The following TSC2 variants were observed in gnomAD, a reference collection of about 807,000 sequenced individuals.
TSC2 encodes the protein TSC complex subunit 2, also known as tuberin.
A neutral mutation model predicts 202.2 loss-of-function variants in TSC2; 29 were observed. The observed-to-expected ratio is 0.14, with a 90% CI of 0.11 to 0.20. The LOEUF (loss-of-function observed/expected upper bound fraction) is 0.20, where lower values mean the gene tolerates loss of function less well. Among genes scored for constraint, TSC2 ranks in the 10% least tolerant of loss-of-function variants. TSC2 has a pLI of 1.00. For synonymous variants in TSC2, 1,349 were observed against 1,044.0 expected (o/e 1.29, Z -5.63); for missense variants, 2,429 against 2,420.0 (o/e 1.00, Z -0.08).
In TSC2 at chr16:2,071,513, T is replaced by A. The variant is rs1446136662; in HGVS notation, c.1843T>A (p.Phe615Ile). 1.2e-6 allele frequency: 2 copies of A among 1,613,634 alleles called. No individual in the cohort carries two copies. Among genetic ancestry groups the A allele is most frequent in the Non-Finnish European group, 1.7e-6 (2 of 1,180,014 alleles). Residue 615 changes from phenylalanine (F) to isoleucine (I), a missense_variant, in exon 18 of 42, where the codon TTT becomes ATT. Physicochemically the swap from Phe to Ile is conservative, Grantham distance 21. Coordinates refer to ENST00000219476, the MANE Select transcript of TSC2 (RefSeq NM_000548.5). Reference protein sequence around the residue: ...PIASSIRLQAFDFLLLLRADS... With the variant: ...PIASSIRLQAIDFLLLLRADS... ...TTCACCATCCTCTTCCTGACAGGCC[T>A]TTGACTTCCTGTTGCTGCTGCGGGC...
rs1395819176 is a variant in TSC2, at chr16:2,080,506, C to CA, written c.3610+130dup. On this transcript the variant is annotated intron_variant, in intron 30 of 41. Transcript: ENST00000219476. ...GGTAACTTTTGTTTTTTTTTTGAGA[C>CA]AGAGTCTTGCTCTGTGGCCCACGCT... 1.0e-5 allele frequency: 11 copies of CA among 1,103,814 alleles called. No homozygotes were observed. The South Asian group carries it at 1.4e-4, about 14-fold the overall frequency. 68.4% of individuals were successfully genotyped at this position (1,103,814 alleles called of 1,614,324 possible).
At chr16:2,078,754 G>A in intron 26 of TSC2, 1 of 517,350 alleles carries the variant, frequency 1.9e-6, no homozygotes, top group East Asian at 3.4e-5. Flanking sequence ...GTAACCTAGT[G>A]CTCCCGTGGG....
intron 35 of TSC2, 63 bp downstream of exon 35, chr16:2,085,089 G>A (rs1292173721): frequency 2.5e-6 from 4 of 1,605,964 alleles, no homozygotes; most frequent in South Asian, 1.1e-5. Context: ...ATGGTGGGGG[G>A]CCCAGCTCTG....
Position 2,074,202 on chromosome 16 carries a change from C to G in TSC2, c.2358C>G (p.Arg786=), listed in dbSNP as rs372834284. ...YHNYLDKTKQ[R]EMVYCLEQGL... ...CTGAGGTGTCCTGTCTCCTGCAGCG[C>G]GAGATGGTCTACTGCCTGGAGCAGG... is the stretch of plus-strand genomic sequence containing the variant. The change falls in exon 22 of 42, where the codon CGC becomes CGG. Residue 786 remains arginine, a splice_region_variant and synonymous_variant. Transcript: ENST00000219476. The G allele has an allele frequency of 3.7e-6, 6 of 1,611,154 alleles. No homozygotes were observed. Among genetic ancestry groups the G allele is most frequent in the Non-Finnish European group, 5.1e-6 (6 of 1,179,902 alleles).
At chr16:2,054,493 C>A (rs2085524046) in intron 5 of TSC2, 53 bp downstream of exon 5, 1 of 1,612,110 alleles carries the variant, frequency 6.2e-7, no homozygotes, top group East Asian at 2.2e-5. Context: ...TCAAGTGTAA[C>A]CTGGATGGGA....
rs137853999 is a variant in TSC2 at position 2,086,812 on chromosome 16, G to A, written c.4930G>A (p.Asp1644Asn). ...CGACAAGAAGCGCCACCTGGGCAACGACTTTGTGTCCATTGTCTACAATGA... is the reference window on the plus strand; with the variant it reads ...CGACAAGAAGCGCCACCTGGGCAACAACTTTGTGTCCATTGTCTACAATGA... The part of the protein sequence containing the change: ...RCDKKRHLGN[D>N]FVSIVYNDSG... The change falls in exon 38 of 42, where the codon GAC (aspartate) becomes AAC (asparagine). Residue 1644 changes from aspartate (D) to asparagine (N), a missense_variant. Asp to Asn is a conservative substitution (Grantham distance 23). Coordinates refer to ENST00000219476, the MANE Select transcript of TSC2 (RefSeq NM_000548.5). The A allele has an allele frequency of 6.8e-6, 11 of 1,610,280 alleles. No individual in the cohort carries two copies. The East Asian group carries it at 1.6e-4, about 23-fold the overall frequency.
At chr16:2,070,945 A>G (rs78956797) in intron 17 of TSC2, among the ~76,000 whole-genome samples, 22 of 151,520 alleles carry the variant, frequency 1.5e-4, no homozygotes, top group African/African-American at 4.6e-4. Context: ...GAGAGGGCAG[A>G]GCTGAGACGG....
At chr16:2,087,317 G>A (rs970119131) in intron 38 of TSC2, 24 of 335,164 alleles carry the variant, frequency 7.2e-5, no homozygotes, top group Middle Eastern at 1.0e-3. Flanking sequence ...CCAGCATGGC[G>A]GGGAGAGCTG....
intron 6 of TSC2, 128 bp downstream of exon 6, chr16:2,055,647 C>G: frequency 1.1e-6 from 1 of 907,038 alleles, no homozygotes; most frequent in Non-Finnish European, 1.8e-6. Flanking sequence ...AATCTCAGCA[C>G]TTTGGGAGGC....
rs137854133 is a variant in TSC2 at position 2,050,402 on chromosome 16, A to G, written c.141A>G (p.Glu47=). Residue 47 remains glutamate, a splice_region_variant and synonymous_variant, in exon 3 of 42, where the codon GAA becomes GAG. Coordinates refer to ENST00000219476, the MANE Select transcript of TSC2 (RefSeq NM_000548.5). ...EFIITAEILR[E]LSMECGLNNR... is the part of the protein sequence containing the mutation. ...TTTCTTCTTTCATCTCTCTCCAGGA[A>G]CTGAGCATGGAATGTGGCCTCAACA... 1 of 1,613,878 alleles carries G rather than the reference A, an allele frequency of 6.2e-7. No individual in the cohort carries two copies.
At chr16:2,065,924 C>G (rs1281984759) in intron 16 of TSC2, among the ~76,000 whole-genome samples, 3 of 152,234 alleles carry the variant, frequency 2.0e-5, no homozygotes, top group Non-Finnish European at 4.4e-5. Context: ...TCACCCAGCA[C>G]AGCACCTGGG....
In TSC2 at chr16:2,081,912, C is replaced by G. The variant is rs2090190473; in HGVS notation, c.3814+114C>G. On this transcript the variant is annotated intron_variant, in intron 31 of 41. Coordinates refer to ENST00000219476, the MANE Select transcript of TSC2 (RefSeq NM_000548.5). ...GCGCCCACACGGCTGGGAGTGGTCC[C>G]TGGCCTGCCTCAGCACCATTGTTCT... The G allele has an allele frequency of 2.7e-5, 37 of 1,386,240 alleles. No homozygotes were observed. The South Asian group carries it at 4.1e-4, about 15-fold the overall frequency. The allele number at this position is 1,386,240 out of a possible 1,614,324, so 85.9% of individuals were successfully genotyped here.
At chr16:2,076,262 G>A (rs1487298086) in intron 24 of TSC2, 92 bp downstream of exon 24, 1 of 1,581,766 alleles carries the variant, frequency 6.3e-7, no homozygotes, top group African/African-American at 1.3e-5. Flanking sequence ...TGACAGGCAG[G>A]TGGAGGGCAG....
At chr16:2,051,177 G>C (rs560167992) in intron 3 of TSC2, among the ~76,000 whole-genome samples, 1 of 151,910 alleles carries the variant, frequency 6.6e-6, no homozygotes, top group Non-Finnish European at 1.5e-5. Flanking sequence ...ATGATGAGCC[G>C]GGCATGGTGG....
chr16:2,050,595 G>A (rs1228963721), intron 3 of TSC2, 109 bp downstream of exon 3: 3 of 734,150 alleles, frequency 4.1e-6, no homozygotes, highest in Non-Finnish European at 6.5e-6. Context: ...GATCTGGTTT[G>A]CACTTTTTTT....
rs878854094 is a variant in TSC2, at chr16:2,054,311, G to A, written c.352G>A (p.Val118Ile). The A allele has an allele frequency of 3.7e-6, 6 of 1,614,186 alleles. No individual in the cohort carries two copies. Among genetic ancestry groups the A allele is most frequent in the African/African-American group, 1.3e-5 (1 of 75,042 alleles). The change falls in exon 5 of 42, where the codon GTC (valine) becomes ATC (isoleucine). Residue 118 changes from valine to isoleucine, a missense_variant. Val to Ile is a conservative substitution (Grantham distance 29). Transcript: ENST00000219476. ...TTGTCTTTAGGGCGAGCGTTTGGGG[G>A]TCCTCAGAGCCCTCTTCTTTAAGGT... ...IVQGQGERLG[V>I]LRALFFKVIK...
chr16:2,079,531 C>T lies in TSC2; in HGVS notation c.3285-26C>T, dbSNP rs760928211. 3 of 1,606,242 alleles carry T rather than the reference C, an allele frequency of 1.9e-6. No homozygotes were observed. Among genetic ancestry groups the T allele is most frequent in the Non-Finnish European group, 2.5e-6 (3 of 1,176,984 alleles). On this transcript the variant is annotated intron_variant, in intron 28 of 41. Transcript: ENST00000219476. This position sits in a 1 kb window ranked among gnomAD's most constrained non-coding sequence, Gnocchi z 4.6. ...CGTACCAGCCTGGGGACTAAGTCCA[C>T]CCTGTGCGTGGGATTCTCTTCTCAG... is the stretch of plus-strand genomic sequence containing the variant.
Position 2,061,781 on chromosome 16 carries a change from C to T in TSC2, c.1120-90C>T, listed in dbSNP as rs912751491. On this transcript the variant is annotated intron_variant, in intron 11 of 41. Coordinates refer to ENST00000219476, the MANE Select transcript of TSC2 (RefSeq NM_000548.5). ...AGCGGCCTGAGAGGGCTGAGGGTGT[C>T]TCCATGCGGTGGGTGTGTAGCGAGG... 252 of 1,606,788 alleles carry T rather than the reference C, an allele frequency of 1.6e-4. No homozygotes were observed. The Middle Eastern group carries it at 1.8e-3, about 12-fold the overall frequency.
chr16:2,079,693 C>T lies in TSC2; in HGVS notation c.3397+24C>T. 2.6e-6 allele frequency: 4 copies of T among 1,558,184 alleles called. No individual in the cohort carries two copies. The highest frequency in any genetic ancestry group is 3.5e-6 in the Non-Finnish European group (4 of 1,151,720). Reference sequence around the variant, plus strand: ...GGGTGAGCCTTGGCCCCAGCCACCTCCACACAGGCACCGGGGCTCCCTCAG... The same window carrying T: ...GGGTGAGCCTTGGCCCCAGCCACCTTCACACAGGCACCGGGGCTCCCTCAG... On this transcript the variant is annotated intron_variant, in intron 29 of 41. Transcript: ENST00000219476. This position sits in a 1 kb window ranked among gnomAD's most constrained non-coding sequence, Gnocchi z 4.6.
Sources: allele counts gnomAD v4.1 joint callset (sites outside exome capture counted in the v4.1 genomes callset), GRCh38; gene constraint gnomAD v4.1.1; non-coding constraint Gnocchi (gnomAD v3.1); transcripts MANE v1.5; gene names NCBI Gene and HGNC (gene_info 2026-07-23, HGNC 2026-07-21).